The following EXT1 variants were observed in gnomAD, a reference collection of about 807,000 sequenced individuals.
The protein encoded by EXT1 is exostosin glycosyltransferase 1, also known as exostosin-1.
Under a neutral mutation model 82.5 loss-of-function variants are expected in EXT1, and 20 were observed. The observed-to-expected ratio is 0.24, with a 90% CI of 0.17 to 0.35. EXT1 has a LOEUF of 0.35. Among genes scored for constraint, EXT1 ranks in the 10% least tolerant of loss-of-function variants. The pLI is 1.00. For synonymous variants in EXT1, 348 were observed against 350.8 expected, an observed-to-expected ratio of 0.99 and a Z score of 0.09; for missense variants, 757 against 936.5, an observed-to-expected ratio of 0.81 and a Z score of 2.50.
intron 1 of EXT1, among the ~76,000 whole-genome samples, chr8:118,013,456 G>C (rs1052052758): frequency 6.6e-6 from 1 of 152,050 alleles, no homozygotes; most frequent in Non-Finnish European, 1.5e-5. Flanking sequence ...TGATCCACCC[G>C]CCTCGGCCTC....
intron 1 of EXT1, among the ~76,000 whole-genome samples, chr8:117,879,624 A>G (rs1813027574): frequency 6.6e-6 from 1 of 152,222 alleles, no homozygotes; most frequent in Admixed American, 6.5e-5. Flanking sequence ...AATACAGGAA[A>G]GACATACCTT....
Position 118,110,067 on chromosome 8 carries a change from GC to G in EXT1, c.962+17del, listed in dbSNP as rs749155280. 3.1e-6 allele frequency: 5 copies of G among 1,613,170 alleles called. No individual in the cohort carries two copies. The highest frequency in any genetic ancestry group is 1.7e-6 in the Non-Finnish European group (2 of 1,180,032). On this transcript the variant is annotated intron_variant, in intron 1 of 10. Transcript: ENST00000378204. ...GCCCAAGGCTGACTCCCAAAGACAC[GC>G]CAGCCCAGACACTTACTTCTCATAC...
At chr8:117,849,581 G>T (rs1257695675) in intron 1 of EXT1, among the ~76,000 whole-genome samples, 1 of 152,176 alleles carries the variant, frequency 6.6e-6, no homozygotes, top group African/African-American at 2.4e-5. Flanking sequence ...TACGACGCTA[G>T]CTTTCTCTCT....
intron 1 of EXT1, among the ~76,000 whole-genome samples, chr8:117,991,267 C>T (rs920447801): frequency 2.0e-5 from 3 of 152,124 alleles, no homozygotes; most frequent in African/African-American, 4.8e-5. Flanking sequence ...CATGCCACCA[C>T]GCCCAGCTAA....
intron 1 of EXT1, among the ~76,000 whole-genome samples, chr8:117,967,386 G>C (rs181771379): frequency 6.6e-6 from 1 of 152,252 alleles, no homozygotes; most frequent in African/African-American, 2.4e-5. Context: ...AATGACCAAG[G>C]TAATGCTGCT....
intron 10 of EXT1, among the ~76,000 whole-genome samples, chr8:117,803,295 A>G (rs1233919128): frequency 6.6e-6 from 1 of 152,028 alleles, no homozygotes; most frequent in East Asian, 1.9e-4. Flanking sequence ...TCCAGTTTCA[A>G]GCAATTCTCG....
chr8:117,862,764 G>A (rs1812707685), intron 1 of EXT1, among the ~76,000 whole-genome samples: 1 of 145,590 alleles, frequency 6.9e-6, no homozygotes, highest in African/African-American at 2.4e-5. Context: ...GCTTATGGGT[G>A]GACAGTGGCA....
intron 1 of EXT1, among the ~76,000 whole-genome samples, chr8:117,888,025 C>T (rs568257239): frequency 3.3e-5 from 5 of 151,598 alleles, no homozygotes; most frequent in East Asian, 1.9e-4. Flanking sequence ...GTGGAGGTTG[C>T]GGTAAGCTGA....
At chr8:117,934,493 G>T (rs996257758) in intron 1 of EXT1, among the ~76,000 whole-genome samples, 1 of 152,202 alleles carries the variant, frequency 6.6e-6, no homozygotes, top group Non-Finnish European at 1.5e-5. Flanking sequence ...TGTGCCCTGT[G>T]TAAGCTCCTC....
intron 1 of EXT1, among the ~76,000 whole-genome samples, chr8:118,095,630 C>G (rs1389264354): frequency 6.6e-6 from 1 of 152,156 alleles, no homozygotes; most frequent in Admixed American, 6.5e-5. Flanking sequence ...GTATTAGATT[C>G]CCTCTGATTG....
intron 1 of EXT1, among the ~76,000 whole-genome samples, chr8:117,878,669 C>T: frequency 6.6e-6 from 1 of 152,242 alleles, no homozygotes. Context: ...CCAATCTCTG[C>T]AGATAAGAAT....
intron 1 of EXT1, among the ~76,000 whole-genome samples, chr8:118,051,245 G>A (rs1186085317): frequency 1.3e-5 from 2 of 152,040 alleles, no homozygotes; most frequent in East Asian, 1.9e-4. Flanking sequence ...GCTGAGAGGC[G>A]GGTGGATCAC....
At chr8:117,889,950 A>G (rs1480835202) in intron 1 of EXT1, among the ~76,000 whole-genome samples, 1 of 152,218 alleles carries the variant, frequency 6.6e-6, no homozygotes, top group Non-Finnish European at 1.5e-5. Flanking sequence ...TTTATATGAA[A>G]AAAATGATAA....
intron 1 of EXT1, among the ~76,000 whole-genome samples, chr8:117,904,035 A>T (rs970578306): frequency 2.6e-5 from 4 of 152,326 alleles, no homozygotes; most frequent in African/African-American, 9.6e-5. Context: ...AATTAACTAG[A>T]ACATAAAGAA....
At chr8:117,819,583 C>T in intron 6 of EXT1, 93 bp downstream of exon 6, 1 of 909,984 alleles carries the variant, frequency 1.1e-6, no homozygotes, top group East Asian at 3.1e-5. Flanking sequence ...TCCCGGGGAG[C>T]CTGGGGAGCC....
At chr8:118,070,309 C>T (rs1048914886) in intron 1 of EXT1, among the ~76,000 whole-genome samples, 22 of 142,504 alleles carry the variant, frequency 1.5e-4, no homozygotes, top group African/African-American at 5.7e-4. Context: ...ATACACATAT[C>T]TACTTAGAGT....
At chr8:118,052,772 G>A (rs575217053) in intron 1 of EXT1, among the ~76,000 whole-genome samples, 18 of 152,196 alleles carry the variant, frequency 1.2e-4, no homozygotes, top group Non-Finnish European at 2.4e-4. Flanking sequence ...AGAAGCAAAC[G>A]TTATTAAATA....
intron 1 of EXT1, among the ~76,000 whole-genome samples, chr8:118,078,917 A>T (rs1817260085): frequency 6.6e-6 from 1 of 152,204 alleles, no homozygotes; most frequent in Non-Finnish European, 1.5e-5. Context: ...AGAACCTACC[A>T]TGTGCAAAAA....
At chr8:118,004,821 C>G (rs1815741777) in intron 1 of EXT1, among the ~76,000 whole-genome samples, 1 of 152,154 alleles carries the variant, frequency 6.6e-6, no homozygotes, top group African/African-American at 2.4e-5. Flanking sequence ...GCTGATGATT[C>G]TAGGCAACAA....
Sources: gnomAD v4.1 joint callset for allele counts (sites outside exome capture counted in the v4.1 genomes callset) on GRCh38, gnomAD v4.1.1 for gene constraint, MANE v1.5 for transcripts, NCBI Gene and HGNC (gene_info 2026-07-23, HGNC 2026-07-21) for gene names.